Variants in SLC16A2 observed in about 807,000 individuals in gnomAD.
SLC16A2 encodes the protein monocarboxylate transporter 8.
A neutral mutation model predicts 27.2 loss-of-function variants in SLC16A2; 3 were observed. The ratio of observed to expected loss-of-function variants is 0.11; its 90% CI spans 0.05 to 0.28. SLC16A2 has a LOEUF of 0.28. SLC16A2 is among the 10% of genes least tolerant of loss of function. The probability of loss-of-function intolerance (pLI) is 1.00; values close to 1 mark genes in which losing one functional copy is unlikely to be tolerated. For synonymous variants in SLC16A2, 202 were observed against 187.8 expected (o/e 1.08, Z -0.62); for missense variants, 295 against 458.5 (o/e 0.64, Z 3.26).
At chrX:74,426,106 G>T (rs904006854) in intron 1 of SLC16A2, among the ~76,000 whole-genome samples, 5 of 111,895 alleles carry the variant, frequency 4.5e-5, no homozygotes, top group Admixed American at 1.9e-4. Flanking sequence ...TCACCTTAGG[G>T]GTTTTCATTG....
rs769325910 is a variant in SLC16A2 at position 74,476,075 on chromosome X, A to G, written c.431-44915A>G. On this transcript the variant is annotated intron_variant, in intron 1 of 5. Coordinates refer to ENST00000587091, the MANE Select transcript of SLC16A2 (RefSeq NM_006517.5). ...GAATCTATAAATTACCTTGGGCAGT[A>G]TGGCCATTTTCACAATATTGATTCT... Among the ~76,000 whole-genome samples the G allele has an allele frequency of 3.0e-3, 332 of 111,291 alleles. 1 individual carries two copies. The highest frequency in any genetic ancestry group is 5.0e-3 in the Admixed American group (52 of 10,473).
intron 1 of SLC16A2, among the ~76,000 whole-genome samples, chrX:74,486,006 A>T (rs983735656): frequency 3.6e-5 from 4 of 111,780 alleles, no homozygotes; most frequent in Middle Eastern, 4.2e-3. Context: ...ATGCAATGGG[A>T]GGGGACCCAA....
chrX:74,457,099 A>G (rs751764656), intron 1 of SLC16A2, among the ~76,000 whole-genome samples: 1 of 105,993 alleles, frequency 9.4e-6, no homozygotes, highest in East Asian at 2.8e-4. Context: ...TAGCCCATCA[A>G]AATCCTCTGG....
intron 1 of SLC16A2, among the ~76,000 whole-genome samples, chrX:74,470,807 G>A (rs951862693): frequency 2.7e-5 from 3 of 110,502 alleles, no homozygotes; most frequent in South Asian, 3.9e-4. Flanking sequence ...GTGTGGTGGC[G>A]GCTACCTGTA....
intron 1 of SLC16A2, among the ~76,000 whole-genome samples, chrX:74,510,316 G>A (rs1352776797): frequency 3.6e-5 from 4 of 111,423 alleles, no homozygotes; most frequent in Admixed American, 1.9e-4. Flanking sequence ...TGCTGGGCCA[G>A]CCTTCTCAGA....
At chrX:74,508,330 CAAT>C (rs1221913284) in intron 1 of SLC16A2, among the ~76,000 whole-genome samples, 1 of 111,715 alleles carries the variant, frequency 9.0e-6, no homozygotes, top group African/African-American at 3.3e-5. Flanking sequence ...GACCCATGAA[CAAT>C]ATATATCCCT....
intron 1 of SLC16A2, among the ~76,000 whole-genome samples, chrX:74,424,923 G>A (rs1392003863): frequency 8.9e-6 from 1 of 111,984 alleles, no homozygotes; most frequent in Non-Finnish European, 1.9e-5. Context: ...CAGTGGCGCA[G>A]TCATATTTCA....
At chrX:74,523,754 G>C (rs1930446430) in intron 2 of SLC16A2, among the ~76,000 whole-genome samples, 1 of 112,174 alleles carries the variant, frequency 8.9e-6, no homozygotes, top group Non-Finnish European at 1.9e-5. Context: ...AGATCGTCCA[G>C]GGCCTAGTGT....
chrX:74,432,337 T>G, intron 1 of SLC16A2, among the ~76,000 whole-genome samples: 1 of 111,645 alleles, frequency 9.0e-6, no homozygotes, highest in Middle Eastern at 4.6e-3. Flanking sequence ...GCCAGTTTCC[T>G]TGTGTTCTGA....
At chrX:74,425,854 A>C (rs1287997135) in intron 1 of SLC16A2, among the ~76,000 whole-genome samples, 1 of 112,080 alleles carries the variant, frequency 8.9e-6, no homozygotes, top group Non-Finnish European at 1.9e-5. Flanking sequence ...TTTACTGGGC[A>C]GTTTATAAGC....
chrX:74,438,863 A>C (rs1474119479), intron 1 of SLC16A2, among the ~76,000 whole-genome samples: 1 of 112,216 alleles, frequency 8.9e-6, no homozygotes, highest in East Asian at 2.8e-4. Context: ...AGTATGTGAC[A>C]TACACATGTC....
intron 1 of SLC16A2, chrX:74,473,362 C>T (rs1929396756): frequency 1.9e-6 from 1 of 540,326 alleles, no homozygotes; most frequent in African/African-American, 2.3e-5. Context: ...AGAACCACTT[C>T]CACCTCTGGC....
At chrX:74,493,157 C>T (rs1311246148) in intron 1 of SLC16A2, among the ~76,000 whole-genome samples, 1 of 111,795 alleles carries the variant, frequency 8.9e-6, no homozygotes, top group Non-Finnish European at 1.9e-5. Context: ...GAAGTGCCCT[C>T]ACTGAAGAGG....
chrX:74,446,954 C>T (rs957024693), intron 1 of SLC16A2, among the ~76,000 whole-genome samples: 2 of 112,430 alleles, frequency 1.8e-5, no homozygotes, highest in African/African-American at 3.2e-5. Flanking sequence ...TCTCCCTAAG[C>T]CTTTAGGTTC....
At chrX:74,426,270 G>GTGC (rs1339428862) in intron 1 of SLC16A2, among the ~76,000 whole-genome samples, 3 of 112,240 alleles carry the variant, frequency 2.7e-5, no homozygotes, top group Non-Finnish European at 5.6e-5. Flanking sequence ...GCCTGCTGTG[G>GTGC]TGCTTCAAGC....
intron 1 of SLC16A2, among the ~76,000 whole-genome samples, chrX:74,467,662 G>A (rs1248194669): frequency 8.9e-6 from 1 of 111,932 alleles, no homozygotes; most frequent in Non-Finnish European, 1.9e-5. Flanking sequence ...ACCCCAGAGA[G>A]CCTTTGTAAC....
At chrX:74,424,874 T>G (rs1375369918) in intron 1 of SLC16A2, among the ~76,000 whole-genome samples, 1 of 111,442 alleles carries the variant, frequency 9.0e-6, no homozygotes, top group Non-Finnish European at 1.9e-5. Context: ...TACTTTATTT[T>G]TAGAGATGGG....
At chrX:74,436,093 A>G (rs1444429803) in intron 1 of SLC16A2, among the ~76,000 whole-genome samples, 1 of 111,171 alleles carries the variant, frequency 9.0e-6, no homozygotes, top group Non-Finnish European at 1.9e-5. Flanking sequence ...AGATCCTCTC[A>G]AATTTGAGCA....
intron 1 of SLC16A2, among the ~76,000 whole-genome samples, chrX:74,439,192 T>TTC (rs1928684673): frequency 9.8e-6 from 1 of 101,576 alleles, no homozygotes; most frequent in Non-Finnish European, 2.0e-5. Flanking sequence ...TTCTTTTTCT[T>TTC]TCTTTCTTTC....
Sources: gnomAD v4.1 joint callset for allele counts (sites outside exome capture counted in the v4.1 genomes callset) on GRCh38, gnomAD v4.1.1 for gene constraint, MANE v1.5 for transcripts, NCBI Gene and HGNC (gene_info 2026-07-23, HGNC 2026-07-21) for gene names.